The following SETX variants were observed in gnomAD, a reference collection of about 807,000 sequenced individuals.
SETX encodes helicase senataxin.
A neutral mutation model predicts 227.2 loss-of-function variants in SETX; 90 were observed. The ratio of observed to expected loss-of-function variants is 0.40; its 90% CI spans 0.33 to 0.47. The LOEUF (loss-of-function observed/expected upper bound fraction) is 0.47, where lower values mean the gene tolerates loss of function less well. Ranked by LOEUF, SETX falls within the 20% of genes least tolerant of loss-of-function variation. The pLI is 0.91. For missense variants in SETX, 3,052 were observed against 3,181.5 expected, an observed-to-expected ratio of 0.96 and a Z score of 0.98; for synonymous variants, 1,210 against 1,113.2, an observed-to-expected ratio of 1.09 and a Z score of -1.73.
At chr9:132,332,004 TAC>T (rs1415937098) in intron 7 of SETX, among the ~76,000 whole-genome samples, 1 of 152,240 alleles carries the variant, frequency 6.6e-6, no homozygotes, top group East Asian at 1.9e-4. Flanking sequence ...AAGGCAAAGA[TAC>T]ACTCTTCATC....
At chr9:132,265,922 T>C (rs992136373) in intron 25 of SETX, among the ~76,000 whole-genome samples, 1 of 151,642 alleles carries the variant, frequency 6.6e-6, no homozygotes, top group African/African-American at 2.4e-5. Flanking sequence ...TAAAACATCT[T>C]CATCCACCGA....
intron 4 of SETX, 25 bp from the exon 5 acceptor site, chr9:132,342,824 T>C (rs1173237964): frequency 2.0e-6 from 3 of 1,499,854 alleles, no homozygotes; most frequent in South Asian, 2.3e-5. Flanking sequence ...ATAAGTAAAA[T>C]ACATAAATCT....
intron 6 of SETX, among the ~76,000 whole-genome samples, chr9:132,335,190 A>G (rs1001940490): frequency 2.0e-5 from 3 of 151,848 alleles, no homozygotes; most frequent in Non-Finnish European, 4.4e-5. Context: ...GGAGATCGAG[A>G]CCATCCTGGC....
chr9:132,262,502 C>G lies in SETX; in HGVS notation c.*1737G>C, dbSNP rs1842449769. 6.6e-6 allele frequency: 1 copy of G among 152,292 alleles called. No individual in the cohort carries two copies. Among genetic ancestry groups the G allele is most frequent in the African/African-American group, 2.4e-5 (1 of 41,424 alleles). The allele number at this position is 152,292 out of a possible 1,614,324, so 9.4% of individuals were successfully genotyped here. ...CCCTTGACCCAGACAGAATGGGACC[C>G]ATCCCTACCCGTCCTGAACTGTCGC... On this transcript the variant is annotated 3_prime_UTR_variant, in exon 26 of 26. Coordinates refer to ENST00000224140, the MANE Select transcript of SETX (RefSeq NM_015046.7).
intron 18 of SETX, among the ~76,000 whole-genome samples, chr9:132,285,513 G>A (rs980687814): frequency 5.3e-5 from 8 of 151,892 alleles, no homozygotes; most frequent in East Asian, 2.0e-4. Context: ...TTGGGAGGCC[G>A]AGACGGGGGA....
intron 18 of SETX, among the ~76,000 whole-genome samples, chr9:132,285,375 G>C (rs1256130764): frequency 6.6e-6 from 1 of 152,162 alleles, no homozygotes; most frequent in Non-Finnish European, 1.5e-5. Context: ...AGAAAAAAAT[G>C]CAAATGTTGT....
intron 15 of SETX, among the ~76,000 whole-genome samples, chr9:132,293,699 C>T (rs531153177): frequency 5.2e-4 from 79 of 152,020 alleles, no homozygotes; most frequent in African/African-American, 1.5e-3. Flanking sequence ...GGATTATAAG[C>T]GTGCGCCACT....
intron 11 of SETX, among the ~76,000 whole-genome samples, chr9:132,302,529 A>G (rs1250607324): frequency 6.6e-6 from 1 of 150,882 alleles, no homozygotes; most frequent in East Asian, 2.0e-4. Flanking sequence ...GCGTCGTGGC[A>G]GGCGCCTGTA....
chr9:132,333,830 T>C (rs983059733), intron 7 of SETX, among the ~76,000 whole-genome samples: 2 of 152,202 alleles, frequency 1.3e-5, no homozygotes, highest in African/African-American at 2.4e-5. Flanking sequence ...CAGTACAGGA[T>C]AGAGTACAGG....
chr9:132,309,943 A>C (rs1845558208), intron 11 of SETX, among the ~76,000 whole-genome samples: 1 of 152,240 alleles, frequency 6.6e-6, no homozygotes, highest in African/African-American at 2.4e-5. Context: ...TGATGTATTT[A>C]CTATGTTCAA....
chr9:132,317,102 T>A (rs1212856348), intron 10 of SETX, among the ~76,000 whole-genome samples: 2 of 152,226 alleles, frequency 1.3e-5, no homozygotes, highest in Non-Finnish European at 2.9e-5. Context: ...ACTAAACATC[T>A]TCCTTTATCA....
chr9:132,313,930 G>T (rs1044179533), intron 10 of SETX, among the ~76,000 whole-genome samples: 11 of 148,794 alleles, frequency 7.4e-5, no homozygotes, highest in East Asian at 1.9e-4. Flanking sequence ...AAGTTTTTTG[G>T]TTTTTTTTTT....
intron 6 of SETX, among the ~76,000 whole-genome samples, chr9:132,335,130 C>T (rs906288697): frequency 1.3e-5 from 2 of 152,006 alleles, no homozygotes; most frequent in Non-Finnish European, 2.9e-5. Context: ...GTGGCTCACA[C>T]CTGTAATCCC....
intron 11 of SETX, among the ~76,000 whole-genome samples, chr9:132,305,925 G>C (rs1370336347): frequency 6.6e-6 from 1 of 152,156 alleles, no homozygotes; most frequent in Non-Finnish European, 1.5e-5. Context: ...TCATTGTTCT[G>C]TCTTTACGTT....
rs1554820196 is a variant in SETX at position 132,326,928 on chromosome 9, G to A, written c.4670C>T (p.Thr1557Ile). The change falls in exon 10 of 26, where the codon ACC becomes ATC. Residue 1557 changes from threonine to isoleucine, a missense_variant. Physicochemically the swap from Thr to Ile is moderately conservative, Grantham distance 89. Coordinates refer to ENST00000224140, the MANE Select transcript of SETX (RefSeq NM_015046.7). ...GCAGTATTCACCCTGGTTTTTTGTG[G>A]TTTCAAGACAATCTTTGTACTTACA... ...TKCKYKDCLETTKNQGEYCPK... is the reference protein window; with the variant it reads ...TKCKYKDCLEITKNQGEYCPK... 6.2e-7 allele frequency: 1 copy of A among 1,613,984 alleles called. No homozygotes were observed. Among genetic ancestry groups the A allele is most frequent in the African/African-American group, 1.3e-5 (1 of 74,904 alleles).
chr9:132,292,246 C>A (rs956845620), intron 15 of SETX, among the ~76,000 whole-genome samples: 1 of 151,458 alleles, frequency 6.6e-6, no homozygotes. Context: ...CTGGGCAACA[C>A]GAGGAGACCC....
chr9:132,279,970 C>T (rs1467397034), intron 20 of SETX, among the ~76,000 whole-genome samples: 1 of 152,148 alleles, frequency 6.6e-6, no homozygotes, highest in Non-Finnish European at 1.5e-5. Flanking sequence ...CCATATACCA[C>T]TTTTTAGTAA....
At chr9:132,275,676 A>G (rs563966194) in intron 22 of SETX, among the ~76,000 whole-genome samples, 33 of 152,254 alleles carry the variant, frequency 2.2e-4, no homozygotes, top group Non-Finnish European at 4.0e-4. Flanking sequence ...TGTAGAGAGA[A>G]AAGAGTTTGA....
chr9:132,322,460 A>T (rs1846423077), intron 10 of SETX, among the ~76,000 whole-genome samples: 1 of 152,186 alleles, frequency 6.6e-6, no homozygotes, highest in South Asian at 2.1e-4. Context: ...GACAATACAT[A>T]TGAACGGAAT....
Sources: allele counts gnomAD v4.1 joint callset (sites outside exome capture counted in the v4.1 genomes callset), GRCh38; gene constraint gnomAD v4.1.1; transcripts MANE v1.5; gene names NCBI Gene and HGNC (gene_info 2026-07-23, HGNC 2026-07-21).